Variants in DNAJC25 observed in about 807,000 individuals in gnomAD.
The protein encoded by DNAJC25 is dnaJ homolog subfamily C member 25.
In DNAJC25, 26 loss-of-function variants were observed where a neutral mutation model predicts 42.1. The ratio of observed to expected loss-of-function variants is 0.62; its 90% CI spans 0.45 to 0.86. DNAJC25 has a LOEUF of 0.86. DNAJC25 is among the 40% of genes least tolerant of loss of function. The pLI, the probability that DNAJC25 is intolerant of heterozygous loss-of-function variation, is 0.00. For missense variants in DNAJC25, 404 were observed against 459.4 expected, an observed-to-expected ratio of 0.88 and a Z score of 1.10; for synonymous variants, 189 against 179.9, an observed-to-expected ratio of 1.05 and a Z score of -0.40.
chr9:111,642,945 G>A lies in DNAJC25; in HGVS notation c.337-4162G>A, dbSNP rs756605091. ...TTCCTGTAGAGATTAGAAACAAGGA[G>A]CTTATTGCCCTGCTTGTCAAGGCTC... On this transcript the variant is annotated intron_variant, in intron 1 of 3. Transcript: ENST00000313525. 867 of 471,016 alleles carry A rather than the reference G, an allele frequency of 1.8e-3. 14 individuals are homozygous for A. The highest frequency in any genetic ancestry group is 2.9e-4 in the Non-Finnish European group (65 of 226,952). The allele number at this position is 471,016 out of a possible 1,614,324, so 29.2% of individuals were successfully genotyped here.
In DNAJC25 at chr9:111,639,922, CTCTCCCTCTCCG is replaced by C. The variant is rs1373780725; in HGVS notation, c.337-7179_337-7168del. Among the ~76,000 whole-genome samples the C allele has an allele frequency of 9.4e-4, 125 of 132,890 alleles. 1 individual carries two copies. Among genetic ancestry groups the C allele is most frequent in the East Asian group, 2.0e-3 (8 of 4,100 alleles). The allele number at this position is 132,890 out of a possible 152,430, so 87.2% of individuals were successfully genotyped here. ...GCTCTCCCTCTCCCTCTCCCTCTCC[CTCTCCCTCTCCG>C]TCTCCGTCTCCGTCTCCGTCTCCGT... On this transcript the variant is annotated intron_variant, in intron 1 of 3. Transcript: ENST00000313525.
Position 111,653,894 on chromosome 9 carries a change from T to G in DNAJC25, c.*672T>G, listed in dbSNP as rs1034394128. ...CCAGGAGAGTGAGTCTACCCTCACG[T>G]CCTTGTAGGATGATCTTGATTATAG... On this transcript the variant is annotated 3_prime_UTR_variant, in exon 4 of 4. Transcript: ENST00000313525. 2.0e-5 allele frequency: 3 copies of G among 152,612 alleles called. No individual in the cohort carries two copies. Among genetic ancestry groups the G allele is most frequent in the African/African-American group, 7.2e-5 (3 of 41,446 alleles). 9.5% of individuals were successfully genotyped at this position (152,612 alleles called of 1,614,324 possible). A position where few individuals can be genotyped will look rare whatever the true frequency, so the allele number is the denominator to read the frequency against.
At chr9:111,641,357 G>A (rs1830459838) in intron 1 of DNAJC25, among the ~76,000 whole-genome samples, 7 of 146,222 alleles carry the variant, frequency 4.8e-5, no homozygotes, top group African/African-American at 1.5e-4. Flanking sequence ...GGAGGTGGGG[G>A]GGTCAGCCCC....
In DNAJC25 at chr9:111,649,843, A is replaced by G. The variant is rs1158182583; in HGVS notation, c.880A>G (p.Lys294Glu). ...YIIRKSMKMS[K>E]SQFDSLEDHQ... The stretch of plus-strand genomic sequence containing the variant: ...TATACGTAAATCTATGAAGATGTCA[A>G]AGTCTCAATTTGATAGTCTAGAAGA... The change falls in exon 3 of 4, where the codon AAG becomes GAG. Residue 294 changes from lysine to glutamate, a missense_variant. Lys to Glu is a moderately conservative substitution (Grantham distance 56, BLOSUM62 1). Coordinates refer to ENST00000313525, the MANE Select transcript of DNAJC25 (RefSeq NM_001015882.3). 4 of 1,612,548 alleles carry G rather than the reference A, an allele frequency of 2.5e-6. No homozygotes were observed. Among genetic ancestry groups the G allele is most frequent in the Non-Finnish European group, 3.4e-6 (4 of 1,179,716 alleles).
In DNAJC25 at chr9:111,631,771, C is replaced by T. The variant is rs1242134047; in HGVS notation, c.336+28C>T. The T allele has an allele frequency of 2.7e-6, 4 of 1,489,054 alleles. No homozygotes were observed. In the Admixed American group the frequency reaches 7.0e-5, roughly 26 times the overall value. 92.2% of individuals were successfully genotyped at this position (1,489,054 alleles called of 1,614,324 possible). A position where few individuals can be genotyped will look rare whatever the true frequency, so the allele number is the denominator to read the frequency against. On this transcript the variant is annotated intron_variant, in intron 1 of 3. Transcript: ENST00000313525. ...GAGGCCTGCGGGCGTGGAGGGGCTT[C>T]GAAGACTGGCCGCGGGAAGCCCACG...
intron 3 of DNAJC25, 115 bp from the exon 4 acceptor site, chr9:111,652,985 A>G: frequency 5.4e-6 from 6 of 1,108,848 alleles, no homozygotes; most frequent in Middle Eastern, 2.5e-4. Flanking sequence ...TTATCAATAC[A>G]TTCACTGGAA....
intron 1 of DNAJC25, among the ~76,000 whole-genome samples, chr9:111,640,965 C>T (rs1363668824): frequency 6.0e-5 from 6 of 100,636 alleles, no homozygotes; most frequent in South Asian, 3.1e-4. Context: ...GGGTCAGCCC[C>T]CCGCCTGGCC....
intron 1 of DNAJC25, among the ~76,000 whole-genome samples, chr9:111,635,357 G>C (rs984093641): frequency 2.0e-5 from 3 of 152,194 alleles, no homozygotes; most frequent in Non-Finnish European, 4.4e-5. Context: ...ATGGAAAGTG[G>C]ATTTCTGGCA....
At chr9:111,632,349 C>A (rs2131253008) in intron 1 of DNAJC25, among the ~76,000 whole-genome samples, 1 of 152,310 alleles carries the variant, frequency 6.6e-6, no homozygotes, top group Admixed American at 6.5e-5. Flanking sequence ...ATGATACCTC[C>A]TCTCAGAGTT....
intron 1 of DNAJC25, among the ~76,000 whole-genome samples, chr9:111,643,402 A>G (rs1830512644): frequency 6.6e-6 from 1 of 152,240 alleles, no homozygotes; most frequent in African/African-American, 2.4e-5. Flanking sequence ...ACTGATGATT[A>G]CAATGTGATA....
chr9:111,638,773 T>C (rs983396881), intron 1 of DNAJC25, among the ~76,000 whole-genome samples: 1 of 152,116 alleles, frequency 6.6e-6, no homozygotes, highest in Non-Finnish European at 1.5e-5. Flanking sequence ...GAATTGTCTT[T>C]CAGAAATATA....
At chr9:111,650,456 C>T (rs1830642293) in intron 3 of DNAJC25, among the ~76,000 whole-genome samples, 1 of 152,166 alleles carries the variant, frequency 6.6e-6, no homozygotes, top group African/African-American at 2.4e-5. Flanking sequence ...TGTAATGCCT[C>T]TAAACTTTCA....
chr9:111,638,217 TGAGG>T (rs1210567857), intron 1 of DNAJC25, among the ~76,000 whole-genome samples: 6 of 152,190 alleles, frequency 3.9e-5, no homozygotes, highest in Admixed American at 6.5e-5. Context: ...TATTAATCAA[TGAGG>T]GAACCAGTAA....
intron 2 of DNAJC25, among the ~76,000 whole-genome samples, chr9:111,648,557 C>T (rs903316714): frequency 6.6e-6 from 1 of 151,978 alleles, no homozygotes; most frequent in African/African-American, 2.4e-5. Flanking sequence ...GGCATGAGCC[C>T]CTGCACTTGG....
intron 1 of DNAJC25, among the ~76,000 whole-genome samples, chr9:111,635,190 T>C (rs957670814): frequency 6.6e-6 from 1 of 152,226 alleles, no homozygotes; most frequent in African/African-American, 2.4e-5. Flanking sequence ...ATAGCACTTA[T>C]CACACTGCAT....
In DNAJC25 at chr9:111,647,235, C is replaced by T. The variant is rs748123081; in HGVS notation, c.465C>T (p.Ser155=). ...KVDVRVVILV[S]VCAISVFQFF... is the part of the protein sequence containing the mutation. ...ATGTTAGAGTAGTGATTTTGGTCAG[C>T]GTGTGTGCTATTTCGGTGTTTCAGG... Residue 155 remains serine (S), a synonymous_variant, in exon 2 of 4, where the codon AGC becomes AGT. Coordinates refer to ENST00000313525, the MANE Select transcript of DNAJC25 (RefSeq NM_001015882.3). The T allele has an allele frequency of 3.1e-6, 5 of 1,614,074 alleles. No individual in the cohort carries two copies. Among genetic ancestry groups the T allele is most frequent in the Admixed American group, 1.7e-5 (1 of 60,010 alleles).
rs755601452 is a variant in DNAJC25, at chr9:111,649,566, C to G, written c.603C>G (p.Ala201=). 4 of 1,613,796 alleles carry G rather than the reference C, an allele frequency of 2.5e-6. No homozygotes were observed. The highest frequency in any genetic ancestry group is 3.4e-6 in the Non-Finnish European group (4 of 1,179,936). Reference sequence around the variant, plus strand: ...AGCAGCAGGGACTGCTCAAAAAAGCCAAAGAAAAAGGCAAAAACAAAAAGT... The same window carrying G: ...AGCAGCAGGGACTGCTCAAAAAAGCGAAAGAAAAAGGCAAAAACAAAAAGT... ...IAKQQGLLKK[A]KEKGKNKKSK... is the part of the protein sequence containing the mutation. The change falls in exon 3 of 4, where the codon GCC becomes GCG. Residue 201 remains alanine, a synonymous_variant. Coordinates refer to ENST00000313525, the MANE Select transcript of DNAJC25 (RefSeq NM_001015882.3).
chr9:111,638,236 C>T (rs1830392973), intron 1 of DNAJC25, among the ~76,000 whole-genome samples: 1 of 152,144 alleles, frequency 6.6e-6, no homozygotes, highest in Non-Finnish European at 1.5e-5. Context: ...CAGTAAGATA[C>T]TAAAACTAGT....
intron 3 of DNAJC25, among the ~76,000 whole-genome samples, chr9:111,650,611 C>T (rs1256349890): frequency 2.0e-5 from 3 of 152,204 alleles, no homozygotes; most frequent in African/African-American, 7.2e-5. Flanking sequence ...AATTCATTGG[C>T]TATTATGTTA....
Sources: gnomAD v4.1 joint callset for allele counts (sites outside exome capture counted in the v4.1 genomes callset) on GRCh38, gnomAD v4.1.1 for gene constraint, MANE v1.5 for transcripts, NCBI Gene and HGNC (gene_info 2026-07-23, HGNC 2026-07-21) for gene names.